The following DCAF1 variants were observed in gnomAD, a reference collection of about 807,000 sequenced individuals.
DCAF1 encodes DDB1- and CUL4-associated factor 1.
In DCAF1, 15 loss-of-function variants were observed where a neutral mutation model predicts 128.0. That is an observed-to-expected ratio of 0.12 (90% CI 0.08 to 0.18). DCAF1 has a LOEUF of 0.18. Ranked by LOEUF, DCAF1 falls within the 10% of genes least tolerant of loss-of-function variation. The probability of loss-of-function intolerance (pLI) is 1.00; values close to 1 mark genes in which losing one functional copy is unlikely to be tolerated. For synonymous variants in DCAF1, 610 were observed against 603.0 expected (o/e 1.01, Z -0.17); for missense variants, 988 against 1,649.5 (o/e 0.60, Z 6.95).
chr3:51,481,385 C>A (rs1706176711), intron 3 of DCAF1, among the ~76,000 whole-genome samples: 1 of 152,140 alleles, frequency 6.6e-6, no homozygotes, highest in Non-Finnish European at 1.5e-5. Flanking sequence ...ATGGGCCAGT[C>A]AAGACATGAG....
chr3:51,479,403 T>C (rs1705879978), intron 3 of DCAF1, among the ~76,000 whole-genome samples: 1 of 151,984 alleles, frequency 6.6e-6, no homozygotes, highest in Non-Finnish European at 1.5e-5. Flanking sequence ...CTCCAGAAGC[T>C]GAGGTGGGAG....
intron 9 of DCAF1, among the ~76,000 whole-genome samples, chr3:51,434,447 C>T (rs1037718181): frequency 5.9e-5 from 9 of 152,192 alleles, no homozygotes; most frequent in Non-Finnish European, 1.3e-4. Context: ...TTTACTATTA[C>T]ATATTTAGGT....
At chr3:51,414,434 G>A (rs1191454981) in intron 19 of DCAF1, among the ~76,000 whole-genome samples, 190 bp downstream of exon 19, 1 of 152,228 alleles carries the variant, frequency 6.6e-6, no homozygotes, top group Non-Finnish European at 1.5e-5. Context: ...GCTAGTGAAA[G>A]TTGTCAGTAA....
chr3:51,438,029 G>C (rs1394273034), intron 9 of DCAF1: 2 of 393,762 alleles, frequency 5.1e-6, no homozygotes, highest in Non-Finnish European at 9.8e-6. Context: ...TTTTATACCT[G>C]TTATATGTTC....
At position 51,470,995 on chromosome 3, in the gene DCAF1, A is replaced by G. The variant is rs782457344; in HGVS notation, c.121T>C (p.Leu41=). ...TACTCTTCAGTTTCTTTTTCAATCAATTGAGACATCCTAGCACAAAGGAAA... is the reference window on the plus strand; with the variant it reads ...TACTCTTCAGTTTCTTTTTCAATCAGTTGAGACATCCTAGCACAAAGGAAA... ...MVPILTRMSQ[L]IEKETEEYRK... The change falls in exon 4 of 25, where the codon TTG becomes CTG. Residue 41 remains leucine, a synonymous_variant. Coordinates refer to ENST00000684031, the MANE Select transcript of DCAF1 (RefSeq NM_001387579.1). The G allele has an allele frequency of 2.7e-5, 44 of 1,607,476 alleles. No homozygotes were observed. Among genetic ancestry groups the G allele is most frequent in the Middle Eastern group, 1.6e-4 (1 of 6,066 alleles).
intron 9 of DCAF1, among the ~76,000 whole-genome samples, chr3:51,437,588 T>C (rs1700966939): frequency 6.6e-6 from 1 of 152,056 alleles, no homozygotes; most frequent in Non-Finnish European, 1.5e-5. Context: ...GGGTGGCAGA[T>C]GGAAAGCTTG....
chr3:51,429,734 A>C (rs1235489024), intron 11 of DCAF1, among the ~76,000 whole-genome samples: 1 of 152,208 alleles, frequency 6.6e-6, no homozygotes, highest in African/African-American at 2.4e-5. Context: ...GCTTTTAATC[A>C]TATTAAAAAA....
chr3:51,454,057 AT>A (rs1244316938), intron 6 of DCAF1, among the ~76,000 whole-genome samples: 3 of 151,600 alleles, frequency 2.0e-5, no homozygotes, highest in Non-Finnish European at 2.9e-5. Flanking sequence ...TGAGCAACTA[AT>A]TTTTTTTTCT....
intron 6 of DCAF1, among the ~76,000 whole-genome samples, chr3:51,448,190 T>C (rs1262535566): frequency 6.6e-6 from 1 of 152,220 alleles, no homozygotes; most frequent in African/African-American, 2.4e-5. Context: ...TGCTGTCATC[T>C]CTCTGAATGT....
At chr3:51,462,763 A>G (rs938693722) in intron 6 of DCAF1, among the ~76,000 whole-genome samples, 1 of 151,282 alleles carries the variant, frequency 6.6e-6, no homozygotes, top group Non-Finnish European at 1.5e-5. Flanking sequence ...AAAAAAAAAA[A>G]AAACTATAGC....
At chr3:51,478,294 C>T (rs1705729524) in intron 3 of DCAF1, among the ~76,000 whole-genome samples, 2 of 152,156 alleles carry the variant, frequency 1.3e-5, no homozygotes, top group Admixed American at 1.3e-4. Flanking sequence ...TGTGAGCCAC[C>T]ATGCCAGGCC....
chr3:51,402,083 G>C (rs2089743454), intron 24 of DCAF1, among the ~76,000 whole-genome samples: 1 of 152,168 alleles, frequency 6.6e-6, no homozygotes, highest in Admixed American at 6.5e-5. Context: ...ACCATAGTCA[G>C]GGGACAACTT....
intron 2 of DCAF1, among the ~76,000 whole-genome samples, chr3:51,484,682 C>CTTTTTTTTTTTTTTTTTTTTTTTTTTT (rs1228009412): frequency 7.9e-6 from 1 of 127,090 alleles, no homozygotes; most frequent in Non-Finnish European, 1.7e-5. Context: ...TTAATTTTTT[C>CTTTTTTTTTTTTTTTTTTTTTTTTTTT]TTTTTTTTTT....
chr3:51,455,920 C>CG (rs1287503536), intron 6 of DCAF1, among the ~76,000 whole-genome samples: 1 of 151,726 alleles, frequency 6.6e-6, no homozygotes, highest in Non-Finnish European at 1.5e-5. Flanking sequence ...AAAAAAGATC[C>CG]GGGGGAGGAG....
intron 23 of DCAF1, among the ~76,000 whole-genome samples, chr3:51,408,645 C>A (rs1183816969): frequency 6.6e-6 from 1 of 152,156 alleles, no homozygotes; most frequent in African/African-American, 2.4e-5. Context: ...GTAAAAACAG[C>A]CAAACTCCAC....
intron 7 of DCAF1, 134 bp downstream of exon 7, chr3:51,443,632 G>T: frequency 1.2e-6 from 1 of 802,738 alleles, no homozygotes; most frequent in Non-Finnish European, 1.7e-6. Context: ...AACTCTTATG[G>T]AAACTAATAT....
chr3:51,457,233 TG>T (rs535117625), intron 6 of DCAF1, among the ~76,000 whole-genome samples: 11 of 152,160 alleles, frequency 7.2e-5, no homozygotes, highest in African/African-American at 2.6e-4. Flanking sequence ...CTGATGGAGC[TG>T]AAAACCAAGG....
chr3:51,477,017 G>A (rs1278293682), intron 3 of DCAF1, among the ~76,000 whole-genome samples: 1 of 151,534 alleles, frequency 6.6e-6, no homozygotes, highest in African/African-American at 2.4e-5. Flanking sequence ...CTGGGAGGCA[G>A]AGGTTGCAGA....
intron 1 of DCAF1, among the ~76,000 whole-genome samples, chr3:51,498,961 G>A (rs1232941741): frequency 6.6e-6 from 1 of 152,036 alleles, no homozygotes; most frequent in Non-Finnish European, 1.5e-5. Context: ...AAAAAATTAA[G>A]ACATGTAAAC....
Sources: gnomAD v4.1 joint callset for allele counts (sites outside exome capture counted in the v4.1 genomes callset) on GRCh38, gnomAD v4.1.1 for gene constraint, MANE v1.5 for transcripts, NCBI Gene and HGNC (gene_info 2026-07-23, HGNC 2026-07-21) for gene names.